The following IKZF5 variants were observed in gnomAD, a reference collection of about 807,000 sequenced individuals.
The protein encoded by IKZF5 is zinc finger protein Pegasus.
IKZF5 carries 4 observed loss-of-function variants against 30.7 expected under a neutral mutation model. The ratio of observed to expected loss-of-function variants is 0.13; its 90% CI spans 0.06 to 0.30. IKZF5 has a LOEUF of 0.30. Ranked by LOEUF, IKZF5 falls within the 10% of genes least tolerant of loss-of-function variation. IKZF5 has a pLI of 1.00. For synonymous variants in IKZF5, 148 were observed against 179.6 expected, an observed-to-expected ratio of 0.82 and a Z score of 1.41; for missense variants, 348 against 525.5, an observed-to-expected ratio of 0.66 and a Z score of 3.30.
Position 123,008,256 on chromosome 10 carries a change from G to A in IKZF5, c.-198+438C>T, listed in dbSNP as rs371194873. 2.6e-5 allele frequency among the ~76,000 whole-genome samples: 4 copies of A among 152,156 alleles called. No homozygotes were observed. The East Asian group carries it at 7.7e-4, about 29-fold the overall frequency. On this transcript the variant is annotated intron_variant, in intron 1 of 4. Transcript: ENST00000368886. The stretch of plus-strand genomic sequence containing the variant: ...TCAGCCTGGGACCGGCGTCGGGGCA[G>A]CAGCCTCACCAAGATTCGGAGCGAC...
intron 2 of IKZF5, among the ~76,000 whole-genome samples, chr10:123,006,719 A>G (rs1849802119): frequency 6.6e-6 from 1 of 152,240 alleles, no homozygotes; most frequent in Non-Finnish European, 1.5e-5. Flanking sequence ...GCCTATACAC[A>G]TAAAGTGATT....
At chr10:123,001,958 T>C (rs546962456) in intron 2 of IKZF5, among the ~76,000 whole-genome samples, 9 of 152,336 alleles carry the variant, frequency 5.9e-5, no homozygotes, top group African/African-American at 9.6e-5. Flanking sequence ...AGACCAACAT[T>C]TGACATACCA....
intron 2 of IKZF5, among the ~76,000 whole-genome samples, chr10:123,003,467 A>C (rs915297819): frequency 6.6e-6 from 1 of 152,206 alleles, no homozygotes; most frequent in Admixed American, 6.5e-5. Flanking sequence ...TGGAGGGACA[A>C]CTTTAAGACT....
chr10:122,996,493 C>T (rs1423989240), intron 3 of IKZF5, among the ~76,000 whole-genome samples: 1 of 150,632 alleles, frequency 6.6e-6, no homozygotes, highest in Non-Finnish European at 1.5e-5. Flanking sequence ...AGTTAGAGAC[C>T]AGCCTAGCCA....
At chr10:123,003,909 T>C (rs995016573) in intron 2 of IKZF5, among the ~76,000 whole-genome samples, 1 of 152,268 alleles carries the variant, frequency 6.6e-6, no homozygotes, top group African/African-American at 2.4e-5. Flanking sequence ...TCACTTGCTT[T>C]AGTCTGGCTC....
intron 2 of IKZF5, among the ~76,000 whole-genome samples, chr10:123,005,607 A>G (rs1428551472): frequency 1.3e-5 from 2 of 152,202 alleles, no homozygotes; most frequent in Non-Finnish European, 2.9e-5. Flanking sequence ...AAAAGCTGAT[A>G]TGTTGAAATT....
At chr10:123,003,720 CT>C (rs1376926304) in intron 2 of IKZF5, among the ~76,000 whole-genome samples, 1 of 152,174 alleles carries the variant, frequency 6.6e-6, no homozygotes, top group East Asian at 1.9e-4. Context: ...CGTTATTCCC[CT>C]TTTTCTATGG....
At chr10:122,999,282 T>C (rs1324213944) in intron 2 of IKZF5, among the ~76,000 whole-genome samples, 3 of 152,338 alleles carry the variant, frequency 2.0e-5, no homozygotes, top group Admixed American at 1.3e-4. Flanking sequence ...ATTTGGCTAA[T>C]ACATATGACC....
At chr10:122,995,164 T>C (rs1170576506) in intron 4 of IKZF5, among the ~76,000 whole-genome samples, 2 of 152,184 alleles carry the variant, frequency 1.3e-5, no homozygotes, top group African/African-American at 4.8e-5. Context: ...AAAAAAAGCT[T>C]TTTTTAAAGT....
At chr10:122,996,224 C>A in intron 3 of IKZF5, 48 bp from the exon 4 acceptor site, 2 of 1,504,972 alleles carry the variant, frequency 1.3e-6, no homozygotes, top group South Asian at 2.3e-5. Context: ...AGAATCAACT[C>A]AATTTAGCAT....
At position 123,001,835 on chromosome 10, in the gene IKZF5, G is replaced by A. The variant is rs1035388085; in HGVS notation, c.-46-3164C>T. 3.9e-5 allele frequency among the ~76,000 whole-genome samples: 6 copies of A among 152,172 alleles called. No homozygotes were observed. The East Asian group carries it at 1.2e-3, about 29-fold the overall frequency. On this transcript the variant is annotated intron_variant, in intron 2 of 4. Transcript: ENST00000368886. ...AAGTTTTTAAATAGTAGAACTGTAG[G>A]GTTGAGGAATGAGGGGGTTCTGCAA... is the stretch of plus-strand genomic sequence containing the variant.
In IKZF5 at chr10:122,993,276, A is replaced by G. The variant is rs1300882039; in HGVS notation, c.*504T>C. 6.6e-6 allele frequency: 1 copy of G among 152,664 alleles called. No individual in the cohort carries two copies. Among genetic ancestry groups the G allele is most frequent in the Non-Finnish European group, 1.5e-5 (1 of 68,042 alleles). The allele number at this position is 152,664 out of a possible 1,614,324, so 9.5% of individuals were successfully genotyped here. ...TACTATTATCAGTTGAAATGAAACT[A>G]CCGATTCAACTTAAGGAATGTGAAC... On this transcript the variant is annotated 3_prime_UTR_variant, in exon 5 of 5. Transcript: ENST00000368886.
intron 2 of IKZF5, among the ~76,000 whole-genome samples, chr10:123,003,830 T>C (rs1403407483): frequency 6.6e-6 from 1 of 152,228 alleles, no homozygotes; most frequent in African/African-American, 2.4e-5. Flanking sequence ...CAATTTGCAA[T>C]TTTTCAAATC....
Position 123,007,085 on chromosome 10 carries a change from A to T in IKZF5, c.-106T>A, listed in dbSNP as rs1242231400. The T allele has an allele frequency of 6.6e-6, 1 of 152,224 alleles. No homozygotes were observed. Among genetic ancestry groups the T allele is most frequent in the Non-Finnish European group, 1.5e-5 (1 of 68,032 alleles). The allele number at this position is 152,224 out of a possible 1,614,324, so 9.4% of individuals were successfully genotyped here. On this transcript the variant is annotated 5_prime_UTR_variant, in exon 2 of 5. Coordinates refer to ENST00000368886, the MANE Select transcript of IKZF5 (RefSeq NM_001372123.1). Reference sequence around the variant, plus strand: ...CCACTCCAACATTGATGAAATGTAGAGTAATTGAAATTTACTTCGGAGATA... The same window carrying T: ...CCACTCCAACATTGATGAAATGTAGTGTAATTGAAATTTACTTCGGAGATA...
chr10:123,006,023 A>G (rs1387347385), intron 2 of IKZF5, among the ~76,000 whole-genome samples: 1 of 152,210 alleles, frequency 6.6e-6, no homozygotes, highest in Non-Finnish European at 1.5e-5. Context: ...TAAGTTGAAT[A>G]TAGTATGGAA....
rs1849204676 is a variant in IKZF5, at chr10:122,992,664, A to T, written c.*1116T>A. 1.3e-5 allele frequency: 2 copies of T among 152,184 alleles called. No individual in the cohort carries two copies. The highest frequency in any genetic ancestry group is 1.3e-4 in the Admixed American group (2 of 15,276). 9.4% of individuals were successfully genotyped at this position (152,184 alleles called of 1,614,324 possible). On this transcript the variant is annotated 3_prime_UTR_variant, in exon 5 of 5. Transcript: ENST00000368886. ...TAAAGCGATGATTTAGTTTCTACAC[A>T]GTTTCGTCACTGTACATGAAGACTG...
chr10:123,008,176 C>G (rs1259260689), intron 1 of IKZF5, among the ~76,000 whole-genome samples: 2 of 152,192 alleles, frequency 1.3e-5, no homozygotes, highest in Non-Finnish European at 2.9e-5. Context: ...AGAGACGGAT[C>G]CGGGCAGGAT....
rs1442703747 is a variant in IKZF5, at chr10:122,993,263, TTGAAA to T, written c.*512_*516del. ...ACTGAAATAGCTTTACTATTATCAG[TTGAAA>T]TGAAACTACCGATTCAACTTAAGGA... On this transcript the variant is annotated 3_prime_UTR_variant, in exon 5 of 5. Coordinates refer to ENST00000368886, the MANE Select transcript of IKZF5 (RefSeq NM_001372123.1). 2 of 152,660 alleles carry T rather than the reference TTGAAA, an allele frequency of 1.3e-5. No individual in the cohort carries two copies. Among genetic ancestry groups the T allele is most frequent in the Non-Finnish European group, 2.9e-5 (2 of 68,040 alleles). 9.5% of individuals were successfully genotyped at this position (152,660 alleles called of 1,614,324 possible).
At chr10:123,002,620 C>T (rs1429287666) in intron 2 of IKZF5, among the ~76,000 whole-genome samples, 1 of 150,976 alleles carries the variant, frequency 6.6e-6, no homozygotes, top group African/African-American at 2.4e-5. Context: ...GTCAGGAGTT[C>T]GAGACCAGCC....
Sources: gnomAD v4.1 joint callset for allele counts (sites outside exome capture counted in the v4.1 genomes callset) on GRCh38, gnomAD v4.1.1 for gene constraint, MANE v1.5 for transcripts, NCBI Gene and HGNC (gene_info 2026-07-23, HGNC 2026-07-21) for gene names.